The following DAB1 variants were observed in gnomAD, a reference collection of about 807,000 sequenced individuals.
DAB1 encodes disabled homolog 1.
In DAB1, 15 loss-of-function variants were observed where a neutral mutation model predicts 64.6. That is an observed-to-expected ratio of 0.23 (90% CI 0.16 to 0.36). DAB1 has a LOEUF of 0.36. Ranked by LOEUF, DAB1 falls within the 10% of genes least tolerant of loss-of-function variation. DAB1 has a pLI of 1.00. For missense variants in DAB1, 596 were observed against 706.7 expected (o/e 0.84, Z 1.78); for synonymous variants, 235 against 251.9 (o/e 0.93, Z 0.64).
At chr1:58,224,611 C>T (rs961429325) in intron 4 of DAB1, among the ~76,000 whole-genome samples, 25 of 151,904 alleles carry the variant, frequency 1.6e-4, no homozygotes, top group Non-Finnish European at 3.1e-4. Flanking sequence ...ACAGTGTTCC[C>T]AAAAATTTAA....
At chr1:57,700,833 C>T (rs1349859092) in intron 6 of DAB1, among the ~76,000 whole-genome samples, 7 of 152,110 alleles carry the variant, frequency 4.6e-5, no homozygotes, top group African/African-American at 1.7e-4. Flanking sequence ...TAGATTTACT[C>T]TTATGATGTA....
At chr1:57,955,705 G>A (rs1406969896) in intron 5 of DAB1, among the ~76,000 whole-genome samples, 1 of 152,022 alleles carries the variant, frequency 6.6e-6, no homozygotes, top group Non-Finnish European at 1.5e-5. Flanking sequence ...TCCCACTGAT[G>A]AGAAAATTAT....
intron 3 of DAB1, among the ~76,000 whole-genome samples, chr1:58,383,607 T>G (rs940650258): frequency 2.9e-5 from 2 of 70,030 alleles, no homozygotes; most frequent in African/African-American, 3.2e-4. Flanking sequence ...GTACAGTATC[T>G]GACACATGAC....
chr1:57,723,339 T>TGA (rs563003413), intron 6 of DAB1, among the ~76,000 whole-genome samples: 140 of 152,342 alleles, frequency 9.2e-4, no homozygotes, highest in Middle Eastern at 6.8e-3. Context: ...TTTAGTTCTA[T>TGA]GTACTCATAT....
intron 4 of DAB1, among the ~76,000 whole-genome samples, chr1:58,244,530 A>G (rs188515763): frequency 5.3e-4 from 81 of 152,328 alleles, no homozygotes; most frequent in Admixed American, 1.6e-3. Context: ...AGCTTTTGCA[A>G]GTTCAAGCTC....
At chr1:57,795,735 C>A (rs868265635) in intron 6 of DAB1, among the ~76,000 whole-genome samples, 191 of 61,702 alleles carry the variant, frequency 3.1e-3, no homozygotes, top group Non-Finnish European at 4.4e-3. Flanking sequence ...ATATATATAT[C>A]ATACACATGT....
At chr1:57,915,848 T>C (rs554000799) in intron 5 of DAB1, among the ~76,000 whole-genome samples, 1 of 152,296 alleles carries the variant, frequency 6.6e-6, no homozygotes, top group African/African-American at 2.4e-5. Context: ...AAAGTTCATC[T>C]TGGGAAGAGC....
chr1:57,438,352 A>C (rs1277166125), intron 7 of DAB1, among the ~76,000 whole-genome samples: 3 of 152,166 alleles, frequency 2.0e-5, no homozygotes, highest in African/African-American at 7.2e-5. Context: ...CAGTACAGTG[A>C]AAATAGGGTG....
chr1:57,930,370 G>T (rs571464085), intron 5 of DAB1, among the ~76,000 whole-genome samples: 1 of 152,102 alleles, frequency 6.6e-6, no homozygotes, highest in Non-Finnish European at 1.5e-5. Flanking sequence ...TGGGTCTTTT[G>T]CCTCACCATA....
intron 7 of DAB1, among the ~76,000 whole-genome samples, chr1:57,495,133 C>T (rs1644214586): frequency 6.6e-6 from 1 of 152,032 alleles, no homozygotes; most frequent in African/African-American, 2.4e-5. Flanking sequence ...ATAAAGTGCC[C>T]CCAAAGCTCA....
At chr1:58,134,755 A>G (rs61094080) in intron 5 of DAB1, among the ~76,000 whole-genome samples, 3,854 of 151,968 alleles carry the variant, frequency 0.025, 148 homozygotes, top group African/African-American at 0.087. Flanking sequence ...ACCATTAGAA[A>G]CCACCCCCAT....
intron 2 of DAB1, among the ~76,000 whole-genome samples, chr1:57,146,152 C>A (rs191100420): frequency 6.6e-6 from 1 of 152,320 alleles, no homozygotes; most frequent in African/African-American, 2.4e-5. Flanking sequence ...CTGAACTGAG[C>A]AAGCGCTTCA....
chr1:57,328,110 G>A (rs1274536707), intron 1 of DAB1, among the ~76,000 whole-genome samples: 1 of 152,172 alleles, frequency 6.6e-6, no homozygotes, highest in Non-Finnish European at 1.5e-5. Context: ...ATCCTGCAGG[G>A]TGACATTTCT....
At chr1:57,987,913 G>A (rs563489166) in intron 5 of DAB1, among the ~76,000 whole-genome samples, 13 of 151,998 alleles carry the variant, frequency 8.6e-5, no homozygotes, top group East Asian at 3.9e-4. Context: ...CAAAGACAAC[G>A]AGTATACTTG....
chr1:57,707,806 G>C (rs1646985847), intron 6 of DAB1, among the ~76,000 whole-genome samples: 1 of 152,190 alleles, frequency 6.6e-6, no homozygotes, highest in African/African-American at 2.4e-5. Flanking sequence ...TAAGCCTGAA[G>C]TCACGTCAGC....
At chr1:58,276,625 G>A (rs1557720706) in intron 4 of DAB1, among the ~76,000 whole-genome samples, 1 of 152,148 alleles carries the variant, frequency 6.6e-6, no homozygotes, top group Non-Finnish European at 1.5e-5. Context: ...GGCAAGGTTT[G>A]CCTACCCTAT....
chr1:58,137,145 A>G (rs781343791), intron 5 of DAB1, among the ~76,000 whole-genome samples: 1 of 152,246 alleles, frequency 6.6e-6, no homozygotes, highest in Non-Finnish European at 1.5e-5. Context: ...TAAGTTAAAA[A>G]TAAATATATT....
intron 6 of DAB1, among the ~76,000 whole-genome samples, chr1:57,772,056 G>A (rs778732628): frequency 6.6e-6 from 1 of 152,100 alleles, no homozygotes; most frequent in African/African-American, 2.4e-5. Context: ...TTAATCCCTA[G>A]TGCAACACTG....
At chr1:57,162,112 C>A (rs1041295564) in intron 2 of DAB1, among the ~76,000 whole-genome samples, 52 of 152,170 alleles carry the variant, frequency 3.4e-4, no homozygotes, top group Admixed American at 1.3e-3. Context: ...ATTTTCCCTG[C>A]GAGAATGCCT....
Sources: gnomAD v4.1 joint callset for allele counts (sites outside exome capture counted in the v4.1 genomes callset) on GRCh38, gnomAD v4.1.1 for gene constraint, MANE v1.5 for transcripts, NCBI Gene and HGNC (gene_info 2026-07-23, HGNC 2026-07-21) for gene names.